Variants in SEPTIN11 observed in about 807,000 individuals in gnomAD.
SEPTIN11 encodes septin 11, also known as septin-11.
Under a neutral mutation model 51.4 loss-of-function variants are expected in SEPTIN11, and 25 were observed. The observed-to-expected ratio is 0.49, with a 90% confidence interval of 0.35 to 0.68. The LOEUF is 0.68. Ranked by LOEUF, SEPTIN11 falls within the 30% of genes least tolerant of loss-of-function variation. The pLI is 0.00. For missense variants in SEPTIN11, 381 were observed against 520.8 expected (o/e 0.73, Z 2.61); for synonymous variants, 174 against 184.1 (o/e 0.95, Z 0.44).
At chr4:77,008,964 A>G (rs1427780672) in intron 3 of SEPTIN11, among the ~76,000 whole-genome samples, 1 of 152,248 alleles carries the variant, frequency 6.6e-6, no homozygotes, top group East Asian at 1.9e-4. Context: ...AAGGATTTGG[A>G]GGAAGAGGCA....
intron 3 of SEPTIN11, among the ~76,000 whole-genome samples, chr4:77,008,354 A>G (rs1724629890): frequency 6.6e-6 from 1 of 152,252 alleles, no homozygotes; most frequent in African/African-American, 2.4e-5. Context: ...GAGATAATTG[A>G]AATCCCCTGA....
intron 1 of SEPTIN11, among the ~76,000 whole-genome samples, chr4:76,978,697 CATA>C (rs1175861743): frequency 3.3e-5 from 5 of 152,200 alleles, no homozygotes; most frequent in African/African-American, 1.2e-4. Context: ...AAATACTCAG[CATA>C]ATGCCTGCCA....
intron 7 of SEPTIN11, chr4:77,021,789 A>G (rs1725739960): frequency 6.6e-6 from 1 of 152,456 alleles, no homozygotes; most frequent in South Asian, 2.1e-4. Flanking sequence ...GGTCTGTAGG[A>G]GGGAGTTTAT....
chr4:77,016,634 A>ATATATATATATATATG (rs1725299281), intron 5 of SEPTIN11, among the ~76,000 whole-genome samples: 9 of 57,190 alleles, frequency 1.6e-4, no homozygotes, highest in Admixed American at 4.4e-4. Flanking sequence ...ATATATACAC[A>ATATATATATATATATG]TATATATATA....
At chr4:77,000,748 C>T (rs1724059346) in intron 2 of SEPTIN11, among the ~76,000 whole-genome samples, 1 of 152,182 alleles carries the variant, frequency 6.6e-6, no homozygotes, top group Non-Finnish European at 1.5e-5. Flanking sequence ...TGGGCATCCT[C>T]TAAGTCAGTG....
intron 1 of SEPTIN11, among the ~76,000 whole-genome samples, chr4:76,977,301 C>T (rs1722546090): frequency 6.6e-6 from 1 of 152,142 alleles, no homozygotes; most frequent in Non-Finnish European, 1.5e-5. Context: ...GTTAGGAAAT[C>T]AACAAAACAG....
chr4:77,030,507 C>G (rs1300395444), intron 8 of SEPTIN11, among the ~76,000 whole-genome samples: 1 of 152,096 alleles, frequency 6.6e-6, no homozygotes, highest in African/African-American at 2.4e-5. Flanking sequence ...AAGCAATTCT[C>G]TGCCTCAGCC....
chr4:77,025,051 GTTCTCTCTT>G (rs1344493600), intron 7 of SEPTIN11, among the ~76,000 whole-genome samples: 1 of 152,114 alleles, frequency 6.6e-6, no homozygotes, highest in Non-Finnish European at 1.5e-5. Flanking sequence ...GTCTGTGTTC[GTTCTCTCTT>G]CCTTTGACTT....
intron 2 of SEPTIN11, among the ~76,000 whole-genome samples, chr4:77,000,580 A>G (rs1469066896): frequency 6.6e-6 from 1 of 152,244 alleles, no homozygotes; most frequent in African/African-American, 2.4e-5. Context: ...CATGTGTTAT[A>G]TGCTAAACAC....
At chr4:76,949,970 G>T (rs1721247651) in intron 1 of SEPTIN11, 40 bp downstream of exon 1, 3 of 1,433,420 alleles carry the variant, frequency 2.1e-6, no homozygotes, top group African/African-American at 3.0e-5. Flanking sequence ...TCGGGCGCCG[G>T]GTGGTCTCTG....
At chr4:77,010,458 CTT>C (rs766438702) in intron 3 of SEPTIN11, among the ~76,000 whole-genome samples, 7 of 140,520 alleles carry the variant, frequency 5.0e-5, no homozygotes, top group Non-Finnish European at 7.8e-5. Context: ...TACATCCTAC[CTT>C]TTTTTTTTTT....
chr4:76,996,082 A>G, intron 1 of SEPTIN11: 1 of 893,654 alleles, frequency 1.1e-6, no homozygotes, highest in South Asian at 1.8e-5. Flanking sequence ...GAATAATGAA[A>G]GTGATCAAAA....
chr4:76,982,928 GTTTTTTTTGTTGTTTT>G (rs1722837896), intron 1 of SEPTIN11, among the ~76,000 whole-genome samples: 1 of 151,022 alleles, frequency 6.6e-6, no homozygotes, highest in African/African-American at 2.4e-5. Flanking sequence ...ACAGTTGTGT[GTTTTTTTTGTTGTTTT>G]TTGTTTTTGT....
chr4:76,977,359 A>G (rs775245443), intron 1 of SEPTIN11, among the ~76,000 whole-genome samples: 1 of 152,192 alleles, frequency 6.6e-6, no homozygotes, highest in Non-Finnish European at 1.5e-5. Flanking sequence ...CATTTGTTCC[A>G]AATTGCAAGT....
intron 2 of SEPTIN11, among the ~76,000 whole-genome samples, chr4:76,996,879 A>G (rs952457404): frequency 7.6e-6 from 1 of 131,154 alleles, no homozygotes; most frequent in Non-Finnish European, 1.6e-5. Context: ...CCCTCTAGCC[A>G]TATCTTTTTT....
intron 1 of SEPTIN11, among the ~76,000 whole-genome samples, chr4:76,955,450 C>T (rs115316011): frequency 6.6e-6 from 1 of 152,278 alleles, no homozygotes; most frequent in African/African-American, 2.4e-5. Flanking sequence ...GTAGCAGGAA[C>T]GTCAGCCTTA....
Position 77,011,920 on chromosome 4 carries a change from A to AG in SEPTIN11, c.525+1dup. On this transcript the variant is annotated frameshift_variant and splice_region_variant, in exon 4 of 10. Coordinates refer to ENST00000264893, the MANE Select transcript of SEPTIN11 (RefSeq NM_018243.4). LOFTEE classifies it high-confidence loss of function. ...GTCACCATGAAAAAGCTGGACAGTA[A>AG]GGTACTTGCTGCCATTCTGATTATC... is the stretch of plus-strand genomic sequence containing the variant. 1 of 1,613,324 alleles carries AG rather than the reference A, an allele frequency of 6.2e-7. No homozygotes were observed. The highest frequency in any genetic ancestry group is 8.5e-7 in the Non-Finnish European group (1 of 1,179,416).
At position 77,035,281 on chromosome 4, in the gene SEPTIN11, T is replaced by C; in HGVS notation, c.*769T>C. On this transcript the variant is annotated 3_prime_UTR_variant, in exon 10 of 10. Transcript: ENST00000264893. The stretch of plus-strand genomic sequence containing the variant: ...GGTTGGATCATGTAACATTGCTTAG[T>C]AGAAGAATCTTCTTCTAAGGATGAT... 1 of 985,174 alleles carries C rather than the reference T, an allele frequency of 1.0e-6. No homozygotes were observed. Among genetic ancestry groups the C allele is most frequent in the South Asian group, 4.7e-5 (1 of 21,282 alleles). 61.0% of individuals were successfully genotyped at this position (985,174 alleles called of 1,614,324 possible).
intron 1 of SEPTIN11, chr4:76,995,652 G>A: frequency 3.0e-6 from 2 of 675,074 alleles, no homozygotes; most frequent in Non-Finnish European, 2.3e-6. Context: ...ACACCCACGG[G>A]ATGCATTCAA....
Sources: allele counts gnomAD v4.1 joint callset (sites outside exome capture counted in the v4.1 genomes callset), GRCh38; gene constraint gnomAD v4.1.1; transcripts MANE v1.5; gene names NCBI Gene and HGNC (gene_info 2026-07-23, HGNC 2026-07-21).